The following SLC25A13 variants were observed in gnomAD, a reference collection of about 807,000 sequenced individuals.
SLC25A13 encodes electrogenic aspartate/glutamate antiporter SLC25A13, mitochondrial.
SLC25A13 carries 70 observed loss-of-function variants against 85.5 expected under a neutral mutation model. The observed-to-expected ratio is 0.82, with a 90% CI of 0.68 to 1.00. The LOEUF (loss-of-function observed/expected upper bound fraction) is 1.00. Among genes scored for constraint, SLC25A13 ranks in the 50% least tolerant of loss-of-function variants. The pLI is 0.00. For synonymous variants in SLC25A13, 259 were observed against 288.7 expected, an observed-to-expected ratio of 0.90 and a Z score of 1.04; for missense variants, 765 against 819.8, an observed-to-expected ratio of 0.93 and a Z score of 0.82.
At chr7:96,169,818 G>T in intron 13 of SLC25A13, 1 of 565,542 alleles carries the variant, frequency 1.8e-6, no homozygotes, top group Non-Finnish European at 3.2e-6. Flanking sequence ...CATAAGCAAT[G>T]ACGAATTTAA....
intron 2 of SLC25A13, among the ~76,000 whole-genome samples, chr7:96,284,603 G>A (rs765251714): frequency 7.2e-5 from 11 of 152,178 alleles, no homozygotes; most frequent in South Asian, 4.2e-4. Flanking sequence ...CTGTGTCCCC[G>A]CCCAAATCTC....
chr7:96,149,488 T>G (rs1387502948), intron 13 of SLC25A13, among the ~76,000 whole-genome samples: 1 of 152,156 alleles, frequency 6.6e-6, no homozygotes, highest in East Asian at 1.9e-4. Flanking sequence ...GAGTTAGTTA[T>G]CACTAGGGAT....
intron 3 of SLC25A13, among the ~76,000 whole-genome samples, chr7:96,271,874 ATTTT>A (rs1798252075): frequency 6.6e-6 from 1 of 151,626 alleles, no homozygotes; most frequent in African/African-American, 2.4e-5. Context: ...TTATTATTTT[ATTTT>A]ATTTATTTTA....
chr7:96,229,178 C>G (rs544295048), intron 4 of SLC25A13, among the ~76,000 whole-genome samples: 2 of 152,204 alleles, frequency 1.3e-5, no homozygotes, highest in African/African-American at 4.8e-5. Flanking sequence ...GCTCCTGAGT[C>G]GGGTGGGGAC....
chr7:96,260,016 C>A (rs376625233), intron 3 of SLC25A13, among the ~76,000 whole-genome samples: 1 of 147,480 alleles, frequency 6.8e-6, no homozygotes, highest in Non-Finnish European at 1.5e-5. Context: ...AGAACATATG[C>A]GCACAAGGAG....
rs765386095 is a variant in SLC25A13, at chr7:96,184,400, CAAGATCGATAG to C, written c.1043_1053del (p.Pro348ArgfsTer21). ...CGTTGGTTCTGCATTCGAGTTTTTACAAGATCGATAGGATACACAGCAGTGGCTCCAACAGC... is the reference window on the plus strand; with the variant it reads ...CGTTGGTTCTGCATTCGAGTTTTTACGATACACAGCAGTGGCTCCAACAGC... On this transcript the variant is annotated frameshift_variant, in exon 11 of 18. Coordinates refer to ENST00000265631, the MANE Select transcript of SLC25A13 (RefSeq NM_014251.3). LOFTEE classifies it high-confidence loss of function. 2 of 1,614,122 alleles carry C rather than the reference CAAGATCGATAG, an allele frequency of 1.2e-6. No individual in the cohort carries two copies. The highest frequency in any genetic ancestry group is 2.2e-5 in the South Asian group (2 of 91,074).
intron 2 of SLC25A13, among the ~76,000 whole-genome samples, chr7:96,295,882 T>G (rs551775753): frequency 6.6e-4 from 100 of 151,264 alleles, no homozygotes; most frequent in Non-Finnish European, 1.3e-3. Flanking sequence ...CATATATGTG[T>G]GTGTATATAT....
chr7:96,232,606 A>AATT (rs1562864128), intron 4 of SLC25A13, among the ~76,000 whole-genome samples: 6 of 150,580 alleles, frequency 4.0e-5, no homozygotes, highest in South Asian at 4.2e-4. Context: ...AAAAAAAAAA[A>AATT]TTTAAAAAAA....
intron 2 of SLC25A13, among the ~76,000 whole-genome samples, chr7:96,287,316 T>C (rs187788635): frequency 3.3e-5 from 5 of 152,336 alleles, no homozygotes; most frequent in Admixed American, 3.3e-4. Context: ...TGCTGTTTTC[T>C]TCAGGTATGG....
At chr7:96,282,405 T>G (rs927191906) in intron 2 of SLC25A13, among the ~76,000 whole-genome samples, 1 of 152,288 alleles carries the variant, frequency 6.6e-6, no homozygotes, top group Non-Finnish European at 1.5e-5. Context: ...CATGAATCAC[T>G]CATATCCTGG....
rs542795027 is a variant in SLC25A13, at chr7:96,274,052, G to A, written c.212+3144C>T. On this transcript the variant is annotated intron_variant, in intron 3 of 17. Transcript: ENST00000265631. The stretch of plus-strand genomic sequence containing the variant: ...TTAGGGTAGAAAACAAAGGTAAGAA[G>A]GTTAAAAAGGAAACCTTCTGCCGCT... 2.0e-5 allele frequency among the ~76,000 whole-genome samples: 3 copies of A among 152,266 alleles called. No homozygotes were observed. In the East Asian group the frequency reaches 5.8e-4, roughly 29 times the overall value.
intron 2 of SLC25A13, among the ~76,000 whole-genome samples, chr7:96,290,391 C>CA (rs1202840193): frequency 6.6e-6 from 1 of 152,136 alleles, no homozygotes; most frequent in Non-Finnish European, 1.5e-5. Context: ...AACCAGCTAA[C>CA]ATCATAAAGA....
chr7:96,168,098 GAAAAA>G (rs543491037), intron 13 of SLC25A13, among the ~76,000 whole-genome samples: 630 of 19,322 alleles, frequency 0.033, 1 homozygote, highest in Middle Eastern at 0.1. Context: ...AACTCTGTCT[GAAAAA>G]AAAAAAAAAA....
At chr7:96,300,903 C>T (rs1178903173) in intron 1 of SLC25A13, among the ~76,000 whole-genome samples, 2 of 152,148 alleles carry the variant, frequency 1.3e-5, no homozygotes, top group African/African-American at 2.4e-5. Flanking sequence ...TGTGGCTGTT[C>T]GGAATTTCCA....
At chr7:96,149,595 T>G (rs1425049745) in intron 13 of SLC25A13, among the ~76,000 whole-genome samples, 1 of 152,184 alleles carries the variant, frequency 6.6e-6, no homozygotes, top group Admixed American at 6.5e-5. Flanking sequence ...ATGTACCCAT[T>G]ATCTGTGGTG....
chr7:96,236,052 T>A (rs1562866829), intron 3 of SLC25A13, among the ~76,000 whole-genome samples: 1 of 152,192 alleles, frequency 6.6e-6, no homozygotes, highest in Non-Finnish European at 1.5e-5. Context: ...AAAACTTAGT[T>A]ACTTCTAAAC....
At chr7:96,190,668 A>AGTGGC (rs1794814206) in intron 7 of SLC25A13, among the ~76,000 whole-genome samples, 1 of 152,052 alleles carries the variant, frequency 6.6e-6, no homozygotes, top group Admixed American at 6.6e-5. Flanking sequence ...GCTGGAGTGC[A>AGTGGC]GTGGCGTGAT....
At chr7:96,128,820 T>G (rs1349382338) in intron 15 of SLC25A13, among the ~76,000 whole-genome samples, 1 of 151,178 alleles carries the variant, frequency 6.6e-6, no homozygotes, top group Non-Finnish European at 1.5e-5. Context: ...CTATAGTAAG[T>G]GAGGCAGCCA....
intron 2 of SLC25A13, among the ~76,000 whole-genome samples, chr7:96,289,923 C>T (rs182453747): frequency 2.8e-4 from 42 of 152,242 alleles, no homozygotes; most frequent in African/African-American, 9.4e-4. Flanking sequence ...CACAAAGATA[C>T]TCCTCGAGAA....
Sources: gnomAD v4.1 joint callset for allele counts (sites outside exome capture counted in the v4.1 genomes callset) on GRCh38, gnomAD v4.1.1 for gene constraint, MANE v1.5 for transcripts, NCBI Gene and HGNC (gene_info 2026-07-23, HGNC 2026-07-21) for gene names.